PTK7: variants seen among roughly 807,000 people sequenced by gnomAD.
The protein encoded by PTK7 is inactive tyrosine-protein kinase 7.
Under a neutral mutation model 116.6 loss-of-function variants are expected in PTK7, and 39 were observed. The observed-to-expected ratio is 0.33, with a 90% CI of 0.26 to 0.44. PTK7 has a LOEUF of 0.44. Among genes scored for constraint, PTK7 ranks in the 20% least tolerant of loss-of-function variants. PTK7 has a pLI of 1.00. For missense variants in PTK7, 1,169 were observed against 1,425.6 expected, an observed-to-expected ratio of 0.82 and a Z score of 2.90; for synonymous variants, 546 against 563.6, an observed-to-expected ratio of 0.97 and a Z score of 0.44.
At chr6:43,137,894 C>T (rs1770138865) in intron 7 of PTK7, among the ~76,000 whole-genome samples, 1 of 152,182 alleles carries the variant, frequency 6.6e-6, no homozygotes, top group Admixed American at 6.5e-5. Flanking sequence ...GCAACCTCCA[C>T]CTCCCAGGTT....
At chr6:43,160,155 G>A (rs922340679) in intron 19 of PTK7, among the ~76,000 whole-genome samples, 189 bp downstream of exon 19, 7 of 152,142 alleles carry the variant, frequency 4.6e-5, no homozygotes, top group South Asian at 2.1e-4. Flanking sequence ...TCGCCCTGTC[G>A]CCCAGACTGG....
chr6:43,077,430 G>T (rs1766114655), intron 1 of PTK7, among the ~76,000 whole-genome samples: 1 of 152,162 alleles, frequency 6.6e-6, no homozygotes, highest in African/African-American at 2.4e-5. Flanking sequence ...TTTCTTGGGG[G>T]GGGGCCTTAG....
intron 1 of PTK7, among the ~76,000 whole-genome samples, chr6:43,111,421 C>T (rs1045616640): frequency 2.6e-5 from 4 of 152,128 alleles, no homozygotes; most frequent in African/African-American, 9.7e-5. Context: ...TTAGCATCTC[C>T]AAATGGTCTG....
intron 1 of PTK7, among the ~76,000 whole-genome samples, chr6:43,096,678 G>A (rs887292007): frequency 3.3e-5 from 5 of 152,220 alleles, no homozygotes; most frequent in African/African-American, 1.2e-4. Flanking sequence ...TTTTGCTGCT[G>A]CCCTGGGTGT....
chr6:43,151,604 T>A (rs971944113), intron 17 of PTK7, among the ~76,000 whole-genome samples: 7 of 146,810 alleles, frequency 4.8e-5, no homozygotes, highest in African/African-American at 1.5e-4. Flanking sequence ...CGATCTCGGC[T>A]CACTGCAAGC....
chr6:43,150,380 C>G (rs1770993849), intron 17 of PTK7, among the ~76,000 whole-genome samples: 1 of 152,152 alleles, frequency 6.6e-6, no homozygotes. Flanking sequence ...GCATCTTGCC[C>G]AGCATAAAGG....
intron 1 of PTK7, among the ~76,000 whole-genome samples, chr6:43,111,664 T>C (rs1229265334): frequency 6.6e-6 from 1 of 152,088 alleles, no homozygotes; most frequent in Non-Finnish European, 1.5e-5. Flanking sequence ...TACTTGCATC[T>C]TTTATTTTAT....
At position 43,143,149 on chromosome 6, in the gene PTK7, CCTT is replaced by C; in HGVS notation, c.2048-267_2048-265del. 1 of 429,128 alleles carries C rather than the reference CCTT, an allele frequency of 2.3e-6. No homozygotes were observed. The highest frequency in any genetic ancestry group is 3.5e-5 in the South Asian group (1 of 28,674). 26.6% of individuals were successfully genotyped at this position (429,128 alleles called of 1,614,324 possible). On this transcript the variant is annotated intron_variant, in intron 13 of 19. Coordinates refer to ENST00000230419, the MANE Select transcript of PTK7 (RefSeq NM_002821.5). This position sits in a 1 kb window ranked among gnomAD's most constrained non-coding sequence, Gnocchi z 4.2. ...CAAATAACGTGGGTTTGTGGTAGCT[CCTT>C]GACAGGTGTGCTTATCCGTGTCGCC... is the stretch of plus-strand genomic sequence containing the variant.
At chr6:43,134,473 C>T (rs1769903492) in intron 7 of PTK7, among the ~76,000 whole-genome samples, 2 of 152,048 alleles carry the variant, frequency 1.3e-5, no homozygotes, top group South Asian at 4.1e-4. Context: ...ATAGTGAGAC[C>T]TTGTGTCTAC....
intron 1 of PTK7, among the ~76,000 whole-genome samples, chr6:43,092,075 C>G (rs183698774): frequency 1.3e-5 from 2 of 152,290 alleles, no homozygotes; most frequent in African/African-American, 4.8e-5. Context: ...GTTGGTCAGG[C>G]TGGTCTTGAA....
At chr6:43,119,612 T>C (rs1768840802) in intron 1 of PTK7, among the ~76,000 whole-genome samples, 1 of 152,210 alleles carries the variant, frequency 6.6e-6, no homozygotes, top group African/African-American at 2.4e-5. Context: ...GATCAGGGGC[T>C]GGACTTCTTG....
chr6:43,107,916 G>A (rs1191374087), intron 1 of PTK7, among the ~76,000 whole-genome samples: 2 of 152,198 alleles, frequency 1.3e-5, no homozygotes, highest in Admixed American at 6.5e-5. Context: ...ATCTAGTGGC[G>A]AAGACAGAGT....
In PTK7 at chr6:43,129,483, T is replaced by C. The variant is rs948669390; in HGVS notation, c.367+219T>C. 1.3e-6 allele frequency: 1 copy of C among 741,202 alleles called. No individual in the cohort carries two copies. Among genetic ancestry groups the C allele is most frequent in the East Asian group, 2.7e-5 (1 of 36,870 alleles). 45.9% of individuals were successfully genotyped at this position (741,202 alleles called of 1,614,324 possible). A position where few individuals can be genotyped will look rare whatever the true frequency, so the allele number is the denominator to read the frequency against. The stretch of plus-strand genomic sequence containing the variant: ...TCAAGTCTGGGACCCATTTATCTGC[T>C]GCATGCTTGTGCAAATGGAAAGGGC... On this transcript the variant is annotated intron_variant, in intron 2 of 19. Transcript: ENST00000230419. The surrounding 1 kb of genome is among the most constrained non-coding windows in gnomAD (Gnocchi z 4.5).
At chr6:43,101,225 A>AAAAGAAAGAAAG (rs201965213) in intron 1 of PTK7, among the ~76,000 whole-genome samples, 11 of 146,256 alleles carry the variant, frequency 7.5e-5, no homozygotes, top group South Asian at 2.2e-4. Context: ...CAAAAAAAAA[A>AAAAGAAAGAAAG]AAAGAAAGAA....
At chr6:43,083,278 C>T (rs1048233462) in intron 1 of PTK7, among the ~76,000 whole-genome samples, 11 of 152,392 alleles carry the variant, frequency 7.2e-5, no homozygotes, top group Admixed American at 6.5e-4. Flanking sequence ...GGTGGGGTTA[C>T]AGGCTTGGGG....
At position 43,129,578 on chromosome 6, in the gene PTK7, T is replaced by A; in HGVS notation, c.368-149T>A. 1.4e-6 allele frequency: 1 copy of A among 729,220 alleles called. No individual in the cohort carries two copies. Among genetic ancestry groups the A allele is most frequent in the Non-Finnish European group, 2.3e-6 (1 of 439,936 alleles). The allele number at this position is 729,220 out of a possible 1,614,324, so 45.2% of individuals were successfully genotyped here. On this transcript the variant is annotated intron_variant, in intron 2 of 19. Transcript: ENST00000230419. The surrounding 1 kb of genome is among the most constrained non-coding windows in gnomAD (Gnocchi z 4.5). ...AGGCAGGCACTTAGTATCTGGTAAC[T>A]GTAGCCCCAGCCTCAGCCTCCAGGG...
At chr6:43,125,377 T>TCCCAGC (rs1296371475) in intron 1 of PTK7, among the ~76,000 whole-genome samples, 1 of 152,116 alleles carries the variant, frequency 6.6e-6, no homozygotes, top group Non-Finnish European at 1.5e-5. Context: ...AGCAGTCCAG[T>TCCCAGC]CCCAGCCCCA....
At position 43,143,552 on chromosome 6, in the gene PTK7, A is replaced by C. The variant is rs547044678; in HGVS notation, c.2183A>C (p.Lys728Thr). 1 of 1,613,924 alleles carries C rather than the reference A, an allele frequency of 6.2e-7. No individual in the cohort carries two copies. The highest frequency in any genetic ancestry group is 1.1e-5 in the South Asian group (1 of 91,070). ...CTGGGCCTCATGTTCTACTGCAAGA[A>C]GCGCTGCAAAGCCAAGCGGCTGCAG... Reference protein sequence around the residue: ...AVLGLMFYCKKRCKAKRLQKQ... With the variant: ...AVLGLMFYCKTRCKAKRLQKQ... The change falls in exon 14 of 20, where the codon AAG (lysine) becomes ACG (threonine). Residue 728 changes from lysine (K) to threonine (T), a missense_variant. Coordinates refer to ENST00000230419, the MANE Select transcript of PTK7 (RefSeq NM_002821.5). This position sits in a 1 kb window ranked among gnomAD's most constrained non-coding sequence, Gnocchi z 4.2.
chr6:43,153,356 G>A (rs751765153), intron 17 of PTK7, among the ~76,000 whole-genome samples: 1 of 151,242 alleles, frequency 6.6e-6, no homozygotes, highest in African/African-American at 2.4e-5. Flanking sequence ...CTTGTGATCT[G>A]CCTGCCTTGG....
Sources: gnomAD v4.1 joint callset for allele counts (sites outside exome capture counted in the v4.1 genomes callset) on GRCh38, gnomAD v4.1.1 for gene constraint, Gnocchi (gnomAD v3.1) non-coding constraint, MANE v1.5 for transcripts, NCBI Gene and HGNC (gene_info 2026-07-23, HGNC 2026-07-21) for gene names.